The following AFG2A variants were observed in gnomAD, a reference collection of about 807,000 sequenced individuals.
AFG2A encodes the protein AAA ATPase AFG2A.
chr4:123,091,770 TTCC>T, the AFG2A span, among the ~76,000 whole-genome samples: 4 of 152,228 alleles, frequency 2.6e-5, no homozygotes, highest in African/African-American at 9.6e-5. Flanking sequence ...GTAATTTAAG[TTCC>T]TCATCTATAT....
the AFG2A span, chr4:122,927,738 A>G: frequency 3.2e-5 from 52 of 1,612,978 alleles, no homozygotes; most frequent in Admixed American, 6.7e-5. Context: ...GTTGCTTACT[A>G]GTTTGAACGG....
the AFG2A span, among the ~76,000 whole-genome samples, chr4:122,988,463 A>G: frequency 2.1e-5 from 3 of 144,484 alleles, no homozygotes; most frequent in Middle Eastern, 3.8e-3. Flanking sequence ...TAGTAGTGTG[A>G]TCTTGGCTCA....
At chr4:122,993,606 T>C in the AFG2A span, among the ~76,000 whole-genome samples, 3 of 152,196 alleles carry the variant, frequency 2.0e-5, no homozygotes, top group Non-Finnish European at 2.9e-5. Context: ...GTGACAAATA[T>C]CAAGCTTTTG....
At chr4:123,244,931 AAAC>A in the AFG2A span, among the ~76,000 whole-genome samples, 5 of 152,210 alleles carry the variant, frequency 3.3e-5, no homozygotes, top group Admixed American at 3.3e-4. Flanking sequence ...TAGAAAATAT[AAAC>A]AACTGTTGTG....
chr4:123,193,839 A>G, the AFG2A span, among the ~76,000 whole-genome samples: 2 of 152,226 alleles, frequency 1.3e-5, no homozygotes, highest in East Asian at 3.8e-4. Flanking sequence ...ATATAAGACA[A>G]AAATAACACA....
the AFG2A span, chr4:123,102,319 GCAAT>G: frequency 7.6e-6 from 1 of 131,522 alleles, no homozygotes. Flanking sequence ...AAAAGAAAAA[GCAAT>G]CAATCAGCCT....
chr4:123,175,889 T>C, the AFG2A span, among the ~76,000 whole-genome samples: 1 of 152,136 alleles, frequency 6.6e-6, no homozygotes, highest in Non-Finnish European at 1.5e-5. Flanking sequence ...ACAAGTTGGG[T>C]TTATTCCTCC....
chr4:123,240,886 C>T, the AFG2A span, among the ~76,000 whole-genome samples: 1 of 151,770 alleles, frequency 6.6e-6, no homozygotes, highest in Non-Finnish European at 1.5e-5. Context: ...AGACTGCTAG[C>T]AAGACTAATA....
At chr4:122,968,810 C>T in the AFG2A span, among the ~76,000 whole-genome samples, 3 of 151,370 alleles carry the variant, frequency 2.0e-5, no homozygotes, top group African/African-American at 4.9e-5. Flanking sequence ...AGTTTCTTCT[C>T]GTGGGTGCTG....
At chr4:123,106,302 A>G in the AFG2A span, among the ~76,000 whole-genome samples, 1 of 152,188 alleles carries the variant, frequency 6.6e-6, no homozygotes, top group Non-Finnish European at 1.5e-5. Flanking sequence ...TACTGTAAAC[A>G]TAGCTTTTAT....
chr4:123,139,463 C>T, the AFG2A span, among the ~76,000 whole-genome samples: 3 of 151,870 alleles, frequency 2.0e-5, no homozygotes, highest in Non-Finnish European at 2.9e-5. Context: ...AAAATCAGCA[C>T]CAATATTTGA....
At chr4:123,132,811 C>A in the AFG2A span, among the ~76,000 whole-genome samples, 17 of 142,284 alleles carry the variant, frequency 1.2e-4, no homozygotes, top group East Asian at 3.1e-3. Flanking sequence ...GACGGAGTCT[C>A]GCTCTGTCGC....
At chr4:123,191,957 C>T in the AFG2A span, among the ~76,000 whole-genome samples, 13 of 151,642 alleles carry the variant, frequency 8.6e-5, no homozygotes, top group Admixed American at 6.6e-4. Context: ...AGTCTGTTTC[C>T]TTATGATTTG....
chr4:123,233,682 A>C, the AFG2A span, among the ~76,000 whole-genome samples: 1 of 151,920 alleles, frequency 6.6e-6, no homozygotes, highest in Non-Finnish European at 1.5e-5. Flanking sequence ...ATTTTTGAGC[A>C]ATAATAAATG....
chr4:123,085,087 A>G, the AFG2A span, among the ~76,000 whole-genome samples: 6 of 151,428 alleles, frequency 4.0e-5, no homozygotes, highest in Admixed American at 6.6e-5. Context: ...CAGACATTCT[A>G]TGATTTCTTT....
the AFG2A span, among the ~76,000 whole-genome samples, chr4:123,090,253 T>C: frequency 1.5e-3 from 221 of 152,342 alleles, 1 homozygote; most frequent in African/African-American, 5.0e-3. Flanking sequence ...AATATAAACA[T>C]TGATTGAACA....
chr4:123,142,044 T>G, the AFG2A span, among the ~76,000 whole-genome samples: 1 of 152,176 alleles, frequency 6.6e-6, no homozygotes, highest in Non-Finnish European at 1.5e-5. Context: ...CCTCCTTTCT[T>G]TAATGTTATA....
the AFG2A span, among the ~76,000 whole-genome samples, chr4:123,155,221 A>G: frequency 1.3e-5 from 2 of 152,052 alleles, no homozygotes; most frequent in South Asian, 4.2e-4. Flanking sequence ...AGTAGCGTGG[A>G]CTACAGGTGC....
the AFG2A span, among the ~76,000 whole-genome samples, chr4:123,285,722 C>T: frequency 6.6e-6 from 1 of 152,132 alleles, no homozygotes; most frequent in Admixed American, 6.5e-5. Flanking sequence ...AGAAAAGGTA[C>T]CAGAGTCAGA....
Sources: gnomAD v4.1 joint callset for allele counts (sites outside exome capture counted in the v4.1 genomes callset) on GRCh38, gnomAD v4.1.1 for gene constraint, MANE v1.5 for transcripts, NCBI Gene and HGNC (gene_info 2026-07-23, HGNC 2026-07-21) for gene names.